The following USP33 variants were observed in gnomAD, a reference collection of about 807,000 sequenced individuals.
The protein encoded by USP33 is ubiquitin carboxyl-terminal hydrolase 33.
A neutral mutation model predicts 124.2 loss-of-function variants in USP33; 46 were observed. The observed-to-expected ratio is 0.37, with a 90% CI of 0.29 to 0.47. USP33 has a LOEUF of 0.47. USP33 is among the 20% of genes least tolerant of loss of function. The probability of loss-of-function intolerance (pLI) is 0.99; values close to 1 mark genes in which losing one functional copy is unlikely to be tolerated. For missense variants in USP33, 851 were observed against 1,070.6 expected (o/e 0.79, Z 2.86); for synonymous variants, 350 against 352.3 (o/e 0.99, Z 0.07).
At chr1:77,746,051 T>C (rs984751421) in intron 1 of USP33, among the ~76,000 whole-genome samples, 9 of 151,714 alleles carry the variant, frequency 5.9e-5, no homozygotes, top group South Asian at 2.1e-4. Flanking sequence ...CTGAAGGAAA[T>C]AGAGACACAA....
chr1:77,750,022 T>C (rs79484656), intron 1 of USP33, among the ~76,000 whole-genome samples: 1,880 of 152,312 alleles, frequency 0.012, 33 homozygotes, highest in African/African-American at 0.044. Context: ...CTAAACAATT[T>C]AATAAGAATT....
rs763038441 is a variant in USP33, at chr1:77,711,855, C to T, written c.2298G>A (p.Arg766=). Residue 766 remains arginine, a splice_region_variant and synonymous_variant, in exon 21 of 24, where the codon AGG becomes AGA. Transcript: ENST00000370794. ...GGTTGACAGCTGGTCCTCCACCATA[C>T]CTAAAGCATGAAAAATTTAAGAATT... ...PQNIWDNLYS[R]YGGGPAVNHL... The T allele has an allele frequency of 1.3e-6, 2 of 1,585,486 alleles. No individual in the cohort carries two copies. The highest frequency in any genetic ancestry group is 1.2e-5 in the South Asian group (1 of 83,704).
intron 9 of USP33, 90 bp downstream of exon 9, chr1:77,729,770 C>A: frequency 1.7e-6 from 2 of 1,178,636 alleles, no homozygotes; most frequent in South Asian, 1.3e-5. Flanking sequence ...GGAGTGATGA[C>A]CCCAAAAGAT....
chr1:77,720,724 G>A, intron 15 of USP33: 1 of 591,574 alleles, frequency 1.7e-6, no homozygotes, highest in Non-Finnish European at 2.1e-6. Context: ...GACAGAAAAA[G>A]GCAGCTGGTA....
At chr1:77,752,206 G>C (rs896455279) in intron 1 of USP33, among the ~76,000 whole-genome samples, 3 of 151,030 alleles carry the variant, frequency 2.0e-5, no homozygotes, top group African/African-American at 7.3e-5. Flanking sequence ...GCGCAATCTC[G>C]GCTCACTTGC....
At chr1:77,705,702 C>T (rs1258587409) in intron 21 of USP33, among the ~76,000 whole-genome samples, 1 of 151,924 alleles carries the variant, frequency 6.6e-6, no homozygotes, top group African/African-American at 2.4e-5. Context: ...AGGTGTAATC[C>T]TCCCACTCTT....
chr1:77,714,573 A>G (rs772311586), intron 19 of USP33, 41 bp downstream of exon 19: 57 of 1,569,306 alleles, frequency 3.6e-5, no homozygotes, highest in African/African-American at 8.3e-5. Flanking sequence ...ATTATTTTAC[A>G]GCAAACTTCT....
intron 5 of USP33, among the ~76,000 whole-genome samples, chr1:77,736,896 C>A (rs970865256): frequency 1.3e-5 from 2 of 152,106 alleles, no homozygotes; most frequent in African/African-American, 4.8e-5. Flanking sequence ...GTGTGAGACA[C>A]CACACCCGGC....
intron 6 of USP33, among the ~76,000 whole-genome samples, chr1:77,734,849 C>T (rs1227019564): frequency 2.0e-5 from 3 of 152,096 alleles, no homozygotes; most frequent in South Asian, 2.1e-4. Flanking sequence ...TTATGCCGGG[C>T]GCAGTGGCTC....
At position 77,723,514 on chromosome 1, in the gene USP33, T is replaced by C. The variant is rs1676811753; in HGVS notation, c.1277-71A>G. On this transcript the variant is annotated intron_variant, in intron 11 of 23. Coordinates refer to ENST00000370794, the MANE Select transcript of USP33 (RefSeq NM_201624.3). ...CATTTTTCTCTGGAATCTTTTTTTGTCTTGTCAATCTTACTTGTATATGAT... is the reference window on the plus strand; with the variant it reads ...CATTTTTCTCTGGAATCTTTTTTTGCCTTGTCAATCTTACTTGTATATGAT... 4 of 992,656 alleles carry C rather than the reference T, an allele frequency of 4.0e-6. No individual in the cohort carries two copies. The East Asian group carries it at 1.0e-4, about 26-fold the overall frequency. The allele number at this position is 992,656 out of a possible 1,614,324, so 61.5% of individuals were successfully genotyped here.
chr1:77,733,674 T>C (rs1035763554), intron 7 of USP33, among the ~76,000 whole-genome samples: 3 of 152,210 alleles, frequency 2.0e-5, no homozygotes, highest in Admixed American at 1.3e-4. Context: ...GCATTTCAAA[T>C]ATTGGATTTT....
chr1:77,750,335 A>AAAGG (rs1382131174), intron 1 of USP33, among the ~76,000 whole-genome samples: 1 of 150,474 alleles, frequency 6.6e-6, no homozygotes, highest in Non-Finnish European at 1.5e-5. Context: ...AGAAAGAAAG[A>AAAGG]AAGAATTGGC....
intron 21 of USP33, among the ~76,000 whole-genome samples, chr1:77,704,603 A>T (rs978816725): frequency 6.6e-6 from 1 of 151,368 alleles, no homozygotes; most frequent in South Asian, 2.1e-4. Context: ...GTTCTCTTTT[A>T]AAAAATACAT....
rs1348083267 is a variant in USP33 at position 77,740,849 on chromosome 1, T to G, written c.198+28A>C. ...TCCTTCAGGCACTTTTTTTAACAAG[T>G]CTTCCATTAAATTTTTTATATACAT... On this transcript the variant is annotated intron_variant, in intron 4 of 23. Transcript: ENST00000370794. 2.0e-6 allele frequency: 3 copies of G among 1,509,496 alleles called. No individual in the cohort carries two copies. In the Admixed American group the frequency reaches 6.1e-5, roughly 31 times the overall value. The allele number at this position is 1,509,496 out of a possible 1,614,324, so 93.5% of individuals were successfully genotyped here.
At chr1:77,743,793 G>T (rs1679403431) in intron 1 of USP33, among the ~76,000 whole-genome samples, 1 of 152,210 alleles carries the variant, frequency 6.6e-6, no homozygotes, top group African/African-American at 2.4e-5. Context: ...ATAATCGGAA[G>T]AAATTATCCT....
At chr1:77,747,886 G>A (rs1679897652) in intron 1 of USP33, among the ~76,000 whole-genome samples, 1 of 152,152 alleles carries the variant, frequency 6.6e-6, no homozygotes, top group African/African-American at 2.4e-5. Context: ...CCATTGAACT[G>A]TAATACTACC....
chr1:77,748,590 AC>A lies in USP33; in HGVS notation c.-51-6843del, dbSNP rs1381787290. ...AGACTGAGGCAGGAGAATCACTTTA[AC>A]CCGGGAGGCAGAGGCTGCAGTGAGC... On this transcript the variant is annotated intron_variant, in intron 1 of 23. Transcript: ENST00000370794. Among the ~76,000 whole-genome samples the A allele has an allele frequency of 2.7e-5, 4 of 149,838 alleles. No homozygotes were observed. The East Asian group carries it at 7.8e-4, about 29-fold the overall frequency.
At chr1:77,746,156 G>T (rs1185388258) in intron 1 of USP33, among the ~76,000 whole-genome samples, 3 of 151,786 alleles carry the variant, frequency 2.0e-5, no homozygotes, top group Non-Finnish European at 4.4e-5. Flanking sequence ...AAGAAGAAAA[G>T]AGAGAAGAAT....
At chr1:77,713,357 T>C (rs1056622886) in intron 19 of USP33, 76 bp from the exon 20 acceptor site, 7 of 1,082,762 alleles carry the variant, frequency 6.5e-6, no homozygotes, top group Non-Finnish European at 9.3e-6. Context: ...ATTTTTTTTT[T>C]AACAGTAACT....
Sources: allele counts gnomAD v4.1 joint callset (sites outside exome capture counted in the v4.1 genomes callset), GRCh38; gene constraint gnomAD v4.1.1; transcripts MANE v1.5; gene names NCBI Gene and HGNC (gene_info 2026-07-23, HGNC 2026-07-21).